Variants in SGCD observed in about 807,000 individuals in gnomAD.
SGCD encodes delta-sarcoglycan.
In SGCD, 18 loss-of-function variants were observed where a neutral mutation model predicts 36.6. The ratio of observed to expected loss-of-function variants is 0.49; its 90% CI spans 0.34 to 0.73. The LOEUF is 0.73. Among genes scored for constraint, SGCD ranks in the 30% least tolerant of loss-of-function variants. The probability of loss-of-function intolerance (pLI) is 0.01; values close to 1 mark genes in which losing one functional copy is unlikely to be tolerated. For missense variants in SGCD, 387 were observed against 346.7 expected (o/e 1.12, Z -0.92); for synonymous variants, 133 against 130.6 (o/e 1.02, Z -0.12).
chr5:156,513,275 C>A (rs902785458), intron 4 of SGCD, among the ~76,000 whole-genome samples: 4 of 152,260 alleles, frequency 2.6e-5, no homozygotes, highest in African/African-American at 9.6e-5. Context: ...GAGTGGTTGG[C>A]AGGCAACCAA....
chr5:156,394,294 AT>A (rs995964720), intron 3 of SGCD, among the ~76,000 whole-genome samples: 1 of 152,224 alleles, frequency 6.6e-6, no homozygotes, highest in Admixed American at 6.5e-5. Flanking sequence ...TTTATAAACT[AT>A]TTTTTACACA....
chr5:156,123,694 G>C (rs1031764859), intron 2 of SGCD, among the ~76,000 whole-genome samples: 13 of 152,038 alleles, frequency 8.6e-5, no homozygotes, highest in Non-Finnish European at 1.3e-4. Context: ...CTTTAATTCA[G>C]TCAAGACTGA....
chr5:155,839,807 G>A, the SGCD span, among the ~76,000 whole-genome samples: 1 of 152,154 alleles, frequency 6.6e-6, no homozygotes, highest in African/African-American at 2.4e-5. Context: ...CAATAGACTT[G>A]AATAAACAGC....
intron 3 of SGCD, among the ~76,000 whole-genome samples, chr5:156,321,414 C>A (rs767215834): frequency 6.8e-6 from 1 of 147,506 alleles, no homozygotes; most frequent in Non-Finnish European, 1.5e-5. Flanking sequence ...AGCGAGACTC[C>A]GACTGAAAAT....
chr5:156,179,507 A>G (rs1424403434), intron 3 of SGCD, among the ~76,000 whole-genome samples: 1 of 152,166 alleles, frequency 6.6e-6, no homozygotes, highest in Non-Finnish European at 1.5e-5. Flanking sequence ...TCTTAGGGTC[A>G]AATGATGTGC....
At chr5:155,796,330 A>G in the SGCD span, among the ~76,000 whole-genome samples, 14,043 of 152,158 alleles carry the variant, frequency 0.092, 837 homozygotes, top group South Asian at 0.2. Flanking sequence ...CTTGGAAATT[A>G]TACCTCACAC....
At chr5:156,648,805 G>A (rs1156840436) in intron 7 of SGCD, among the ~76,000 whole-genome samples, 2 of 152,090 alleles carry the variant, frequency 1.3e-5, no homozygotes, top group African/African-American at 2.4e-5. Context: ...AAGCAAATAC[G>A]TCTGAGAAAA....
At chr5:156,239,271 G>T (rs557369790) in intron 3 of SGCD, among the ~76,000 whole-genome samples, 1 of 151,916 alleles carries the variant, frequency 6.6e-6, no homozygotes, top group Admixed American at 6.6e-5. Flanking sequence ...GTGGTGGCAG[G>T]TGCCTGTAAT....
chr5:156,426,401 AT>A, intron 3 of SGCD, among the ~76,000 whole-genome samples: 1 of 151,998 alleles, frequency 6.6e-6, no homozygotes, highest in East Asian at 1.9e-4. Flanking sequence ...TTCTTTAATT[AT>A]TTTTTGATGG....
chr5:155,855,245 T>A, the SGCD span, among the ~76,000 whole-genome samples: 1 of 152,200 alleles, frequency 6.6e-6, no homozygotes, highest in East Asian at 1.9e-4. Context: ...GGTGGGAGTT[T>A]TTTAAATACC....
At chr5:156,382,137 C>A (rs886390967) in intron 3 of SGCD, among the ~76,000 whole-genome samples, 2 of 152,028 alleles carry the variant, frequency 1.3e-5, no homozygotes, top group African/African-American at 4.8e-5. Flanking sequence ...GGAATCAAAC[C>A]CAGGTTTTGG....
Position 156,369,938 on chromosome 5 carries a change from T to G in SGCD, c.192+25261T>G, listed in dbSNP as rs141270840. On this transcript the variant is annotated intron_variant, in intron 3 of 8. Transcript: ENST00000337851. ...TTTCTCTTCACAGTCATTAGTTTGA[T>G]CTGAACTACATCAAAATGGCCTTAA... is the stretch of plus-strand genomic sequence containing the variant. Among the ~76,000 whole-genome samples the G allele has an allele frequency of 1.4e-3, 212 of 152,344 alleles. 1 individual carries two copies. Among genetic ancestry groups the G allele is most frequent in the African/African-American group, 5.0e-3 (206 of 41,594 alleles).
chr5:155,896,047 T>C (rs940623002), intron 1 of SGCD, among the ~76,000 whole-genome samples: 1 of 152,250 alleles, frequency 6.6e-6, no homozygotes, highest in Non-Finnish European at 1.5e-5. Flanking sequence ...TCTGGATTGA[T>C]TGGTTTTCCT....
intron 2 of SGCD, among the ~76,000 whole-genome samples, chr5:156,339,298 T>C (rs1768521832): frequency 6.6e-6 from 1 of 152,206 alleles, no homozygotes; most frequent in Admixed American, 6.5e-5. Context: ...GTCAAGTGGA[T>C]TTGTTTATGA....
At chr5:156,574,594 T>G (rs1759850337) in intron 4 of SGCD, among the ~76,000 whole-genome samples, 1 of 152,084 alleles carries the variant, frequency 6.6e-6, no homozygotes, top group African/African-American at 2.4e-5. Flanking sequence ...AAGGCTCGAG[T>G]AACCCCAGGG....
chr5:156,154,988 G>A (rs1762918854), intron 3 of SGCD, among the ~76,000 whole-genome samples: 1 of 151,590 alleles, frequency 6.6e-6, no homozygotes, highest in South Asian at 2.1e-4. Flanking sequence ...GGCAGGGAAT[G>A]TTAATGAGTA....
chr5:155,885,615 A>T (rs1755980329), intron 1 of SGCD, among the ~76,000 whole-genome samples: 1 of 152,200 alleles, frequency 6.6e-6, no homozygotes, highest in Non-Finnish European at 1.5e-5. Context: ...ATTGACAACT[A>T]CTCTCCAAAG....
chr5:156,308,784 C>G (rs1475497229), intron 3 of SGCD, among the ~76,000 whole-genome samples: 2 of 152,168 alleles, frequency 1.3e-5, no homozygotes, highest in African/African-American at 4.8e-5. Context: ...TGTAGGCCTT[C>G]AGTGTCCTTT....
At chr5:156,485,759 C>T (rs1004043198) in intron 3 of SGCD, among the ~76,000 whole-genome samples, 7 of 152,074 alleles carry the variant, frequency 4.6e-5, no homozygotes, top group African/African-American at 7.2e-5. Context: ...ACTGAAGGAG[C>T]GTCTTTGTGA....
Sources: gnomAD v4.1 joint callset for allele counts (sites outside exome capture counted in the v4.1 genomes callset) on GRCh38, gnomAD v4.1.1 for gene constraint, MANE v1.5 for transcripts, NCBI Gene and HGNC (gene_info 2026-07-23, HGNC 2026-07-21) for gene names.